CNTNAP3: variants seen among roughly 807,000 people sequenced by gnomAD.
The protein encoded by CNTNAP3 is contactin associated protein family member 3, also known as contactin-associated protein-like 3.
Under a neutral mutation model 92.1 loss-of-function variants are expected in CNTNAP3, and 36 were observed. The observed-to-expected ratio is 0.39, with a 90% confidence interval of 0.30 to 0.52. The LOEUF (loss-of-function observed/expected upper bound fraction) is 0.52, where lower values mean the gene tolerates loss of function less well. Among genes scored for constraint, CNTNAP3 ranks in the 20% least tolerant of loss-of-function variants. The pLI is 0.76. For missense variants in CNTNAP3, 534 were observed against 1,069.6 expected (o/e 0.50, Z 6.98); for synonymous variants, 232 against 422.3 (o/e 0.55, Z 5.53).
chr9:39,095,078 T>C (rs1826295343), intron 18 of CNTNAP3, among the ~76,000 whole-genome samples: 1 of 151,672 alleles, frequency 6.6e-6, no homozygotes, highest in Non-Finnish European at 1.5e-5. Flanking sequence ...TTCTAAGTTT[T>C]TTATTCTTTT....
chr9:39,099,270 A>G (rs563534725), intron 18 of CNTNAP3, among the ~76,000 whole-genome samples: 3 of 152,242 alleles, frequency 2.0e-5, no homozygotes, highest in Admixed American at 1.3e-4. Context: ...TTTTGAAAAC[A>G]TGATTGTACC....
At position 39,068,001 on chromosome 9, in the gene CNTNAP3, GT is replaced by G. The variant is rs1193617213; in HGVS notation, c.*5888del. 6.6e-6 allele frequency among the ~76,000 whole-genome samples: 1 copy of G among 152,304 alleles called. No individual in the cohort carries two copies. Among genetic ancestry groups the G allele is most frequent in the African/African-American group, 2.4e-5 (1 of 41,482 alleles). On this transcript the variant is annotated 3_prime_UTR_variant, in exon 24 of 24. Transcript: ENST00000297668. Reference sequence around the variant, plus strand: ...ATTGTCCCCAAAACGACAGAAATTAGTTTTTTTGGGGGGGATGGGAGAAGTG... The same window carrying G: ...ATTGTCCCCAAAACGACAGAAATTAGTTTTTTGGGGGGGATGGGAGAAGTG...
At chr9:39,117,817 G>C in intron 14 of CNTNAP3, 1 of 403,514 alleles carries the variant, frequency 2.5e-6, no homozygotes, top group Non-Finnish European at 4.5e-6. Context: ...ACTAAACTTC[G>C]CAGAGAATGA....
Position 39,119,734 on chromosome 9 carries a change from C to A in CNTNAP3, c.2081-1475G>T, listed in dbSNP as rs186629011. On this transcript the variant is annotated intron_variant, in intron 13 of 23. Coordinates refer to ENST00000297668, the MANE Select transcript of CNTNAP3 (RefSeq NM_033655.5). Reference sequence around the variant, plus strand: ...TTTCCACCAAGTATAATGATAGATTCTGGAAATAATACAGAAGACAACCGA... The same window carrying A: ...TTTCCACCAAGTATAATGATAGATTATGGAAATAATACAGAAGACAACCGA... Among the ~76,000 whole-genome samples, 944 of 152,162 alleles carry A rather than the reference C, an allele frequency of 6.2e-3. 7 individuals carry two copies. The highest frequency in any genetic ancestry group is 0.037 in the Middle Eastern group (11 of 294).
At chr9:39,130,879 T>C (rs1251970515) in intron 13 of CNTNAP3, among the ~76,000 whole-genome samples, 2 of 151,626 alleles carry the variant, frequency 1.3e-5, no homozygotes, top group Non-Finnish European at 2.9e-5. Context: ...GCTGTGATAT[T>C]GCACTATACT....
At chr9:39,148,972 T>TA (rs1372816614) in intron 10 of CNTNAP3, among the ~76,000 whole-genome samples, 2 of 152,200 alleles carry the variant, frequency 1.3e-5, no homozygotes, top group African/African-American at 4.8e-5. Flanking sequence ...TTTGTAAAAT[T>TA]ATGGCACAGC....
intron 21 of CNTNAP3, among the ~76,000 whole-genome samples, chr9:39,082,137 A>C (rs1825959479): frequency 6.6e-6 from 1 of 151,430 alleles, no homozygotes; most frequent in Non-Finnish European, 1.5e-5. Flanking sequence ...ATAAAATGTA[A>C]AATTTAGTCC....
intron 21 of CNTNAP3, among the ~76,000 whole-genome samples, chr9:39,079,341 C>T (rs1213602351): frequency 6.6e-6 from 1 of 151,700 alleles, no homozygotes; most frequent in Non-Finnish European, 1.5e-5. Flanking sequence ...TCTGGAAATC[C>T]TTCATACTAT....
At position 39,068,193 on chromosome 9, in the gene CNTNAP3, A is replaced by T. The variant is rs1825553060; in HGVS notation, c.*5697T>A. ...GGTGGGCAGATCATGAGATCCAGAG[A>T]TCGAGACCATCCTGGCTAACACGGT... On this transcript the variant is annotated 3_prime_UTR_variant, in exon 24 of 24. Coordinates refer to ENST00000297668, the MANE Select transcript of CNTNAP3 (RefSeq NM_033655.5). 1.3e-5 allele frequency among the ~76,000 whole-genome samples: 2 copies of T among 152,264 alleles called. No individual in the cohort carries two copies. The highest frequency in any genetic ancestry group is 1.3e-4 in the Admixed American group (2 of 15,274).
At chr9:39,102,397 G>T (rs1474005283) in intron 17 of CNTNAP3, 100 bp downstream of exon 17, 18 of 1,550,602 alleles carry the variant, frequency 1.2e-5, no homozygotes, top group Admixed American at 1.9e-5. Context: ...AGCAGTAGTT[G>T]TTGTTGGCAA....
chr9:39,118,047 G>A, intron 14 of CNTNAP3, 56 bp downstream of exon 14: 1 of 1,584,436 alleles, frequency 6.3e-7, no homozygotes, highest in Non-Finnish European at 8.6e-7. Context: ...AATTAACTAT[G>A]CATAATTAAA....
chr9:39,123,942 G>C (rs1285931004), intron 13 of CNTNAP3, among the ~76,000 whole-genome samples: 2 of 151,754 alleles, frequency 1.3e-5, no homozygotes, highest in South Asian at 4.2e-4. Flanking sequence ...AAGTTCCTCA[G>C]AGAAAAGAAA....
Position 39,118,258 on chromosome 9 carries a change from A to C in CNTNAP3, c.2082T>G (p.Asp694Glu), listed in dbSNP as rs373110740. 19 of 1,612,816 alleles carry C rather than the reference A, an allele frequency of 1.2e-5. No individual in the cohort carries two copies. The highest frequency in any genetic ancestry group is 1.3e-5 in the African/African-American group (1 of 74,826). ...CAACCCACCAGCTCAGTGGGGTTCC[A>C]TCTGAAAGACAAGTATAAGAAACAT... ...CGTARRPDSR[D>E]GTPLSWWVGR... Residue 694 changes from aspartate (D) to glutamate (E), a missense_variant and splice_region_variant, in exon 14 of 24, where the codon GAT becomes GAG. Transcript: ENST00000297668.
At chr9:39,120,284 G>A (rs1820982258) in intron 13 of CNTNAP3, among the ~76,000 whole-genome samples, 1 of 152,130 alleles carries the variant, frequency 6.6e-6, no homozygotes, top group Non-Finnish European at 1.5e-5. Flanking sequence ...TACAGAACCA[G>A]AAGGAATGGC....
Position 39,073,777 on chromosome 9 carries a change from G to C in CNTNAP3, c.*113C>G, listed in dbSNP as rs1825681476. On this transcript the variant is annotated 3_prime_UTR_variant, in exon 24 of 24. Coordinates refer to ENST00000297668, the MANE Select transcript of CNTNAP3 (RefSeq NM_033655.5). ...GTGTGCACCCTGATGGCAACAGCAG[G>C]GAAGTCCACAGTCACGATGATAGAG... 2.5e-6 allele frequency: 4 copies of C among 1,595,946 alleles called. No homozygotes were observed. The highest frequency in any genetic ancestry group is 3.4e-6 in the Non-Finnish European group (4 of 1,179,340).
At chr9:39,152,815 C>T (rs1821871030) in intron 9 of CNTNAP3, among the ~76,000 whole-genome samples, 1 of 115,390 alleles carries the variant, frequency 8.7e-6, no homozygotes, top group Non-Finnish European at 1.7e-5. Context: ...GCCACCACAC[C>T]CTGCTAATTT....
At chr9:39,170,299 A>T (rs1371568292) in intron 8 of CNTNAP3, among the ~76,000 whole-genome samples, 1 of 29,586 alleles carries the variant, frequency 3.4e-5, no homozygotes, top group Admixed American at 4.5e-4. Context: ...AACATTTAAT[A>T]GCAGTATAGT....
intron 16 of CNTNAP3, among the ~76,000 whole-genome samples, chr9:39,102,999 A>C (rs1236668798): frequency 6.6e-6 from 1 of 151,998 alleles, no homozygotes; most frequent in African/African-American, 2.4e-5. Context: ...CTATGTACCT[A>C]TAGCTAGAAT....
intron 11 of CNTNAP3, among the ~76,000 whole-genome samples, chr9:39,143,042 C>G (rs1220086365): frequency 6.6e-6 from 1 of 151,590 alleles, no homozygotes; most frequent in African/African-American, 2.4e-5. Context: ...TCAGAAACGT[C>G]AGTAGAGATA....
Sources: gnomAD v4.1 joint callset for allele counts (sites outside exome capture counted in the v4.1 genomes callset) on GRCh38, gnomAD v4.1.1 for gene constraint, MANE v1.5 for transcripts, NCBI Gene and HGNC (gene_info 2026-07-23, HGNC 2026-07-21) for gene names.